Variants in WWOX observed in about 807,000 individuals in gnomAD.
WWOX encodes the protein WW domain containing oxidoreductase, also known as WW domain-containing oxidoreductase.
WWOX carries 69 observed loss-of-function variants against 46.2 expected under a neutral mutation model. The observed-to-expected ratio is 1.49, with a 90% CI of 1.23 to 1.82. The LOEUF is 1.82. Ranked by LOEUF, WWOX falls within the 40% of genes most tolerant of loss-of-function variation. The pLI is 0.00. For missense variants in WWOX, 919 were observed against 542.6 expected (o/e 1.69, Z -6.89); for synonymous variants, 359 against 202.6 (o/e 1.77, Z -6.56).
At chr16:78,821,358 C>T (rs919652348) in intron 8 of WWOX, among the ~76,000 whole-genome samples, 3 of 152,176 alleles carry the variant, frequency 2.0e-5, no homozygotes, top group African/African-American at 7.2e-5. Flanking sequence ...CCCCACCCCA[C>T]AACAGGTGTA....
chr16:78,479,621 TG>T (rs2084439684), intron 8 of WWOX, among the ~76,000 whole-genome samples: 1 of 152,206 alleles, frequency 6.6e-6, no homozygotes, highest in Non-Finnish European at 1.5e-5. Context: ...CTGCTCTCGT[TG>T]CCTCCAAGGA....
At chr16:78,371,302 T>C (rs1004474049) in intron 5 of WWOX, among the ~76,000 whole-genome samples, 2 of 152,220 alleles carry the variant, frequency 1.3e-5, no homozygotes, top group African/African-American at 4.8e-5. Context: ...GAAAACCATT[T>C]ATTTTCAATT....
intron 4 of WWOX, among the ~76,000 whole-genome samples, chr16:78,158,905 C>A (rs1388206340): frequency 2.0e-5 from 3 of 152,146 alleles, no homozygotes; most frequent in Non-Finnish European, 4.4e-5. Flanking sequence ...CCTGAAACTT[C>A]ATACCCTTTG....
chr16:78,610,579 C>A (rs2045877724), intron 8 of WWOX, among the ~76,000 whole-genome samples: 2 of 152,124 alleles, frequency 1.3e-5, no homozygotes, highest in Non-Finnish European at 1.5e-5. Flanking sequence ...TTGCTCAGTG[C>A]ATTTATTGAC....
At chr16:78,171,493 T>TG (rs2035159348) in intron 5 of WWOX, among the ~76,000 whole-genome samples, 1 of 152,074 alleles carries the variant, frequency 6.6e-6, no homozygotes, top group South Asian at 2.1e-4. Flanking sequence ...ATGTGGTATG[T>TG]GGGGCGGGTA....
intron 8 of WWOX, among the ~76,000 whole-genome samples, chr16:79,207,448 C>T (rs1489176250): frequency 6.6e-6 from 1 of 152,242 alleles, no homozygotes; most frequent in African/African-American, 2.4e-5. Flanking sequence ...CTTGGTGTTC[C>T]AAGCCTAATC....
chr16:78,674,075 C>G lies in WWOX; in HGVS notation c.1056+241323C>G, dbSNP rs577902177. Among the ~76,000 whole-genome samples, 4 of 152,050 alleles carry G rather than the reference C, an allele frequency of 2.6e-5. No homozygotes were observed. The East Asian group carries it at 7.8e-4, about 30-fold the overall frequency. ...TGGGAACCGACTCAAAGAGAAATTTCGCAAACTTCATGGAATTTTGCTAAG... is the reference window on the plus strand; with the variant it reads ...TGGGAACCGACTCAAAGAGAAATTTGGCAAACTTCATGGAATTTTGCTAAG... On this transcript the variant is annotated intron_variant, in intron 8 of 8. Transcript: ENST00000566780.
intron 8 of WWOX, among the ~76,000 whole-genome samples, chr16:78,493,983 C>G (rs1024483301): frequency 1.3e-5 from 2 of 152,190 alleles, no homozygotes; most frequent in African/African-American, 4.8e-5. Flanking sequence ...AAAGACATTC[C>G]TGAGACTGGG....
At chr16:78,600,845 G>C (rs2045605059) in intron 8 of WWOX, among the ~76,000 whole-genome samples, 1 of 152,156 alleles carries the variant, frequency 6.6e-6, no homozygotes, top group Non-Finnish European at 1.5e-5. Flanking sequence ...CACTGTGCAG[G>C]TGACTCACGC....
intron 8 of WWOX, among the ~76,000 whole-genome samples, chr16:78,527,007 A>G (rs1222109801): frequency 2.0e-5 from 3 of 151,628 alleles, no homozygotes; most frequent in Admixed American, 2.0e-4. Flanking sequence ...TCTACTAACA[A>G]TACAAAATTA....
chr16:78,944,480 A>C (rs1475396533), intron 8 of WWOX, among the ~76,000 whole-genome samples: 1 of 152,186 alleles, frequency 6.6e-6, no homozygotes, highest in Non-Finnish European at 1.5e-5. Context: ...CTTCTCTGAC[A>C]AAAACTGGTC....
intron 8 of WWOX, among the ~76,000 whole-genome samples, chr16:78,726,968 C>A (rs762974540): frequency 1.3e-5 from 2 of 152,194 alleles, no homozygotes; most frequent in Non-Finnish European, 2.9e-5. Flanking sequence ...TGTTTTTGGT[C>A]ATCCCAATGT....
intron 8 of WWOX, chr16:78,756,883 G>C (rs1001688953): frequency 5.7e-6 from 4 of 702,798 alleles, no homozygotes; most frequent in African/African-American, 3.5e-5. Flanking sequence ...GACTTACGAG[G>C]CTAGACCATA....
At chr16:79,062,172 A>C (rs1057189000) in intron 8 of WWOX, among the ~76,000 whole-genome samples, 1 of 152,196 alleles carries the variant, frequency 6.6e-6, no homozygotes, top group Non-Finnish European at 1.5e-5. Flanking sequence ...CCCAGACTCA[A>C]GGTTGGGGAG....
chr16:78,826,268 C>T (rs950706721), intron 8 of WWOX, among the ~76,000 whole-genome samples: 15 of 152,154 alleles, frequency 9.9e-5, no homozygotes, highest in Non-Finnish European at 1.9e-4. Flanking sequence ...ATCGCTTGAA[C>T]CCGGGAGGTG....
chr16:78,239,888 A>C (rs919987661), intron 5 of WWOX, among the ~76,000 whole-genome samples: 1 of 152,094 alleles, frequency 6.6e-6, no homozygotes, highest in Non-Finnish European at 1.5e-5. Flanking sequence ...ACTCACAGGG[A>C]ATGGGACCAG....
intron 8 of WWOX, among the ~76,000 whole-genome samples, chr16:78,867,077 G>T (rs1388656848): frequency 6.6e-6 from 1 of 152,196 alleles, no homozygotes; most frequent in Non-Finnish European, 1.5e-5. Flanking sequence ...TTCACAATTG[G>T]AGAAGGGCGC....
chr16:79,063,745 G>A (rs1455909168), intron 8 of WWOX, among the ~76,000 whole-genome samples: 2 of 152,118 alleles, frequency 1.3e-5, no homozygotes, highest in African/African-American at 4.8e-5. Context: ...GAAGAAAACA[G>A]AATAAAAATA....
At chr16:79,025,321 C>G (rs184716104) in intron 8 of WWOX, among the ~76,000 whole-genome samples, 68 of 152,148 alleles carry the variant, frequency 4.5e-4, no homozygotes, top group African/African-American at 1.6e-3. Context: ...TGGTGGCTCC[C>G]CAAAAGATAT....
Sources: gnomAD v4.1 joint callset for allele counts (sites outside exome capture counted in the v4.1 genomes callset) on GRCh38, gnomAD v4.1.1 for gene constraint, MANE v1.5 for transcripts, NCBI Gene and HGNC (gene_info 2026-07-23, HGNC 2026-07-21) for gene names.